The following NNT variants were observed in gnomAD, a reference collection of about 807,000 sequenced individuals.
The protein encoded by NNT is NAD(P) transhydrogenase, mitochondrial.
In NNT, 50 loss-of-function variants were observed where a neutral mutation model predicts 104.8. The ratio of observed to expected loss-of-function variants is 0.48; its 90% confidence interval spans 0.38 to 0.60. The LOEUF is 0.60. Ranked by LOEUF, NNT falls within the 20% of genes least tolerant of loss-of-function variation. NNT has a pLI of 0.00. For missense variants in NNT, 1,131 were observed against 1,330.7 expected, an observed-to-expected ratio of 0.85 and a Z score of 2.33; for synonymous variants, 461 against 490.4, an observed-to-expected ratio of 0.94 and a Z score of 0.79.
At chr5:43,638,317 A>G (rs559932360) in intron 7 of NNT, among the ~76,000 whole-genome samples, 2 of 152,280 alleles carry the variant, frequency 1.3e-5, no homozygotes, top group East Asian at 3.9e-4. Flanking sequence ...TTCTGAAGTC[A>G]TGTCTCCTGA....
At chr5:43,633,475 C>G (rs1178651188) in intron 7 of NNT, among the ~76,000 whole-genome samples, 1 of 152,190 alleles carries the variant, frequency 6.6e-6, no homozygotes, top group Non-Finnish European at 1.5e-5. Flanking sequence ...AAATCCTACT[C>G]AACTCAATTA....
At chr5:43,674,798 A>C (rs903658762) in intron 17 of NNT, among the ~76,000 whole-genome samples, 5 of 152,218 alleles carry the variant, frequency 3.3e-5, no homozygotes, top group African/African-American at 1.2e-4. Flanking sequence ...TTCTTGAGTG[A>C]TTATAAATGA....
At chr5:43,650,327 C>T in intron 11 of NNT, 150 bp from the exon 12 acceptor site, 2 of 515,498 alleles carry the variant, frequency 3.9e-6, no homozygotes. Flanking sequence ...TTGTTTATTT[C>T]ATTTTAATGA....
chr5:43,667,774 T>A (rs1200003138), intron 17 of NNT, among the ~76,000 whole-genome samples: 2 of 152,268 alleles, frequency 1.3e-5, no homozygotes, highest in African/African-American at 4.8e-5. Context: ...ATCCCGTGGG[T>A]ATATACCCCA....
chr5:43,699,180 G>A (rs1342360826), intron 19 of NNT, among the ~76,000 whole-genome samples: 1 of 151,866 alleles, frequency 6.6e-6, no homozygotes, highest in African/African-American at 2.4e-5. Context: ...TGATGCTTTG[G>A]GGTCCTTTAC....
At chr5:43,633,983 C>G (rs1468408788) in intron 7 of NNT, among the ~76,000 whole-genome samples, 1 of 152,174 alleles carries the variant, frequency 6.6e-6, no homozygotes, top group East Asian at 1.9e-4. Context: ...AGAAAGTGTC[C>G]TGTCAGAGAG....
intron 6 of NNT, among the ~76,000 whole-genome samples, chr5:43,626,748 A>G (rs1040975096): frequency 1.3e-5 from 2 of 150,786 alleles, no homozygotes; most frequent in African/African-American, 4.9e-5. Context: ...ATATATATAT[A>G]ACTTTAGAAC....
At chr5:43,641,143 A>G (rs1751213533) in intron 7 of NNT, among the ~76,000 whole-genome samples, 1 of 152,058 alleles carries the variant, frequency 6.6e-6, no homozygotes, top group Non-Finnish European at 1.5e-5. Flanking sequence ...TGCATTTATT[A>G]TGCATTATAC....
In NNT at chr5:43,656,317, TA is replaced by T. The variant is rs377730043; in HGVS notation, c.2293+252del. ...AAATATTACTACTAATAAAAAAGAT[TA>T]AAAAAAATGCCTTAACAGTAAAACT... On this transcript the variant is annotated intron_variant, in intron 15 of 21. Coordinates refer to ENST00000344920, the MANE Select transcript of NNT (RefSeq NM_182977.3). 1.9e-3 allele frequency among the ~76,000 whole-genome samples: 288 copies of T among 152,038 alleles called. 3 individuals carry two copies. Among genetic ancestry groups the T allele is most frequent in the East Asian group, 9.1e-3 (47 of 5,186 alleles).
rs1186807396 is a variant in NNT at position 43,616,019 on chromosome 5, A to G, written c.553A>G (p.Ile185Val). 9 of 1,614,022 alleles carry G rather than the reference A, an allele frequency of 5.6e-6. No homozygotes were observed. The highest frequency in any genetic ancestry group is 7.6e-6 in the Non-Finnish European group (9 of 1,180,028). ...AATGGACCAGGTTCCAAGAGTCACA[A>G]TTGCTCAGGGATATGATGCGCTAAG... The part of the protein sequence containing the change: ...LAMDQVPRVT[I>V]AQGYDALSSM... Residue 185 changes from isoleucine to valine, a missense_variant, in exon 4 of 22, where the codon ATT becomes GTT. Physicochemically the swap from Ile to Val is conservative, Grantham distance 29. Coordinates refer to ENST00000344920, the MANE Select transcript of NNT (RefSeq NM_182977.3).
Position 43,613,101 on chromosome 5 carries a change from G to A in NNT, c.345G>A (p.Gly115=). ...GAGTGGCAGGTGCCCAAATCCAAGG[G>A]GCAAAGGAAGTGCTGGCTTCTGATT... ...HYRVAGAQIQ[G]AKEVLASDLV... The change falls in exon 3 of 22, where the codon GGG becomes GGA. Residue 115 remains glycine, a synonymous_variant. Transcript: ENST00000344920. 1 of 1,613,840 alleles carries A rather than the reference G, an allele frequency of 6.2e-7. No individual in the cohort carries two copies. The highest frequency in any genetic ancestry group is 2.2e-5 in the East Asian group (1 of 44,844).
chr5:43,687,566 C>G (rs940077774), intron 19 of NNT, among the ~76,000 whole-genome samples: 4 of 152,140 alleles, frequency 2.6e-5, no homozygotes, highest in African/African-American at 9.7e-5. Context: ...ATATATATCT[C>G]TACACATTTG....
intron 2 of NNT, among the ~76,000 whole-genome samples, chr5:43,610,530 C>T (rs1431598587): frequency 6.6e-6 from 1 of 152,112 alleles, no homozygotes; most frequent in African/African-American, 2.4e-5. Context: ...GGGGGGCAAC[C>T]TTTGTCACCT....
intron 18 of NNT, among the ~76,000 whole-genome samples, chr5:43,676,363 TAA>T (rs1741415089): frequency 6.6e-6 from 1 of 152,238 alleles, no homozygotes; most frequent in Admixed American, 6.5e-5. Context: ...TTTCTGTAAA[TAA>T]AATCTACTGA....
At position 43,624,084 on chromosome 5, in the gene NNT, A is replaced by G. The variant is rs760858146; in HGVS notation, c.740A>G (p.Lys247Arg). The G allele has an allele frequency of 1.2e-6, 2 of 1,614,188 alleles. No individual in the cohort carries two copies. The highest frequency in any genetic ancestry group is 2.2e-5 in the East Asian group (1 of 44,878). Reference protein sequence around the residue: ...VAGLASAGAAKSMGAIVRGFD... With the variant: ...VAGLASAGAARSMGAIVRGFD... ...GGGCTTGCTTCTGCAGGCGCAGCAAAGTCGATGGGTGCAATTGTTCGAGGA... is the reference window on the plus strand; with the variant it reads ...GGGCTTGCTTCTGCAGGCGCAGCAAGGTCGATGGGTGCAATTGTTCGAGGA... Residue 247 changes from lysine to arginine, a missense_variant, in exon 6 of 22, where the codon AAG becomes AGG. Transcript: ENST00000344920.
chr5:43,651,724 C>G lies in NNT; in HGVS notation c.1718-15C>G, dbSNP rs756389898. On this transcript the variant is annotated splice_polypyrimidine_tract_variant and intron_variant, in intron 12 of 21. Coordinates refer to ENST00000344920, the MANE Select transcript of NNT (RefSeq NM_182977.3). ...AAAGAGGTACTATGTTTTTTATTTC[C>G]TTTGGTTTGCTAAGGTGGCTTTCTG... 4 of 1,612,272 alleles carry G rather than the reference C, an allele frequency of 2.5e-6. No individual in the cohort carries two copies. In the African/African-American group the frequency reaches 4.0e-5, roughly 16 times the overall value.
At chr5:43,654,140 A>G (rs777648868) in intron 14 of NNT, among the ~76,000 whole-genome samples, 3 of 152,170 alleles carry the variant, frequency 2.0e-5, no homozygotes, top group African/African-American at 4.8e-5. Context: ...ACTTATGTCT[A>G]TTGTATGTGT....
chr5:43,619,803 C>T (rs1198933144), intron 5 of NNT, among the ~76,000 whole-genome samples: 2 of 152,114 alleles, frequency 1.3e-5, no homozygotes, highest in African/African-American at 4.8e-5. Context: ...GTTTATTTGG[C>T]TCATAATTCT....
At chr5:43,609,518 G>A (rs369423372) in intron 2 of NNT, among the ~76,000 whole-genome samples, 172 bp downstream of exon 2, 5 of 152,102 alleles carry the variant, frequency 3.3e-5, no homozygotes, top group Admixed American at 2.0e-4. Context: ...TACTATAGAC[G>A]TTCCTGATTT....
Sources: gnomAD v4.1 joint callset for allele counts (sites outside exome capture counted in the v4.1 genomes callset) on GRCh38, gnomAD v4.1.1 for gene constraint, MANE v1.5 for transcripts, NCBI Gene and HGNC (gene_info 2026-07-23, HGNC 2026-07-21) for gene names.